Variants in ZNF730 observed in about 807,000 individuals in gnomAD.
ZNF730 encodes the protein zinc finger protein 730, also known as putative zinc finger protein 730.
Under a neutral mutation model 12.6 loss-of-function variants are expected in ZNF730, and 12 were observed. The ratio of observed to expected loss-of-function variants is 0.95; its 90% CI spans 0.61 to 1.54. The LOEUF is 1.54. ZNF730 is among the 40% of genes most tolerant of loss of function. ZNF730 has a pLI of 0.00. For synonymous variants in ZNF730, 194 were observed against 195.8 expected, an observed-to-expected ratio of 0.99 and a Z score of 0.08; for missense variants, 643 against 583.5, an observed-to-expected ratio of 1.10 and a Z score of -1.05.
intron 1 of ZNF730, among the ~76,000 whole-genome samples, chr19:23,084,640 G>A (rs1970026833): frequency 6.6e-6 from 1 of 152,138 alleles, no homozygotes; most frequent in African/African-American, 2.4e-5. Context: ...AGGCCCCAGT[G>A]TGTGCTGTTC....
intron 1 of ZNF730, among the ~76,000 whole-genome samples, chr19:23,130,359 T>C (rs1185914012): frequency 6.6e-6 from 1 of 152,208 alleles, no homozygotes; most frequent in Non-Finnish European, 1.5e-5. Flanking sequence ...CTCAGCCACG[T>C]AGAACTGTAA....
upstream of ZNF730, among the ~76,000 whole-genome samples, chr19:23,116,340 TCTTTC>T (rs1292615813): frequency 6.6e-6 from 1 of 151,460 alleles, no homozygotes; most frequent in Non-Finnish European, 1.5e-5. Context: ...TTCTTTCCTT[TCTTTC>T]CTTATTTCTT....
intron 1 of ZNF730, among the ~76,000 whole-genome samples, chr19:23,093,163 A>G (rs1970185721): frequency 6.6e-6 from 1 of 152,136 alleles, no homozygotes; most frequent in African/African-American, 2.4e-5. Flanking sequence ...TTTAGTAGAT[A>G]CAGGACTTCG....
chr19:23,093,513 C>T (rs183789620), intron 1 of ZNF730, among the ~76,000 whole-genome samples: 50 of 152,282 alleles, frequency 3.3e-4, no homozygotes, highest in Non-Finnish European at 6.8e-4. Flanking sequence ...GCATCCCGCC[C>T]CTCTGGTTCC....
intron 1 of ZNF730, among the ~76,000 whole-genome samples, chr19:23,079,727 C>A (rs985021070): frequency 1.1e-4 from 17 of 152,078 alleles, no homozygotes; most frequent in African/African-American, 4.1e-4. Context: ...TTTTGTCTTA[C>A]AAAAGTAAAA....
Position 23,135,928 on chromosome 19 carries a change from T to C in ZNF730, c.131-20T>C, listed in dbSNP as rs745477041. 2 of 1,596,484 alleles carry C rather than the reference T, an allele frequency of 1.3e-6. No individual in the cohort carries two copies. The highest frequency in any genetic ancestry group is 1.7e-6 in the Non-Finnish European group (2 of 1,167,294). On this transcript the variant is annotated intron_variant, in intron 2 of 3. Transcript: ENST00000597761. ...AATTGGAGAATATGAGCAAGATTCA[T>C]GTTATTTTTCATAAAACAGGTATTG...
chr19:23,092,291 G>T (rs1326364516), intron 1 of ZNF730, among the ~76,000 whole-genome samples: 1 of 152,204 alleles, frequency 6.6e-6, no homozygotes, highest in Admixed American at 6.5e-5. Flanking sequence ...CATGAAAACA[G>T]ATTAATATAA....
intron 1 of ZNF730, among the ~76,000 whole-genome samples, chr19:23,091,491 A>G (rs1970159905): frequency 6.6e-6 from 1 of 152,170 alleles, no homozygotes; most frequent in Admixed American, 6.5e-5. Flanking sequence ...CAGACACTCA[A>G]TGCCAGCCAG....
chr19:23,100,630 CTTTTTT>C (rs201462781), intron 1 of ZNF730, among the ~76,000 whole-genome samples: 5 of 118,546 alleles, frequency 4.2e-5, no homozygotes, highest in African/African-American at 1.6e-4. Context: ...GATGGTGATT[CTTTTTT>C]TTTTTTTTTT....
intron 1 of ZNF730, among the ~76,000 whole-genome samples, chr19:23,081,477 G>A (rs756466228): frequency 6.6e-6 from 1 of 152,048 alleles, no homozygotes; most frequent in African/African-American, 2.4e-5. Flanking sequence ...GAGCCACCAC[G>A]CCCACCTGAT....
intron 3 of ZNF730, among the ~76,000 whole-genome samples, chr19:23,137,782 T>C (rs1325936813): frequency 6.6e-6 from 1 of 152,048 alleles, no homozygotes; most frequent in Non-Finnish European, 1.5e-5. Flanking sequence ...TGGAGAGGGG[T>C]TGTAGCTTGG....
intron 1 of ZNF730, among the ~76,000 whole-genome samples, chr19:23,129,732 G>C (rs560354338): frequency 1.3e-5 from 2 of 152,188 alleles, no homozygotes; most frequent in East Asian, 3.9e-4. Flanking sequence ...GGTGGCTCAT[G>C]CTAGTAATCC....
At chr19:23,106,889 C>T (rs1568307506) in intron 1 of ZNF730, among the ~76,000 whole-genome samples, 1 of 150,866 alleles carries the variant, frequency 6.6e-6, no homozygotes, top group East Asian at 1.9e-4. Flanking sequence ...AAAAACTATA[C>T]ACAAACTGTA....
At chr19:23,131,501 A>C (rs933057729) in intron 1 of ZNF730, among the ~76,000 whole-genome samples, 5 of 152,232 alleles carry the variant, frequency 3.3e-5, no homozygotes, top group Admixed American at 6.5e-5. Context: ...ACAAAAAACA[A>C]ACAAAAAACA....
chr19:23,129,497 C>T (rs1476797868), intron 1 of ZNF730, among the ~76,000 whole-genome samples: 1 of 151,682 alleles, frequency 6.6e-6, no homozygotes, highest in African/African-American at 2.4e-5. Flanking sequence ...ATTTTGGACT[C>T]GCATGGGGCC....
intron 3 of ZNF730, among the ~76,000 whole-genome samples, chr19:23,137,055 A>T (rs1040905815): frequency 1.3e-5 from 2 of 151,344 alleles, no homozygotes; most frequent in Non-Finnish European, 2.9e-5. Flanking sequence ...CTGTAATCCC[A>T]GCTACTTGGG....
upstream of ZNF730, chr19:23,116,986 C>T: frequency 7.9e-6 from 7 of 887,438 alleles, no homozygotes; most frequent in Non-Finnish European, 1.1e-5. Context: ...ATCAGGCCCG[C>T]AGCTGGAGCA....
At chr19:23,121,869 C>T (rs80193754) in intron 1 of ZNF730, among the ~76,000 whole-genome samples, 4 of 152,010 alleles carry the variant, frequency 2.6e-5, no homozygotes, top group Admixed American at 1.3e-4. Context: ...TATTCTCTTA[C>T]GTGAAAGTAA....
At chr19:23,140,639 T>C (rs1412590337) in intron 3 of ZNF730, among the ~76,000 whole-genome samples, 2 of 144,710 alleles carry the variant, frequency 1.4e-5, no homozygotes, top group Admixed American at 7.0e-5. Flanking sequence ...TAAAAACATA[T>C]AACCTAAAAT....
Sources: gnomAD v4.1 joint callset for allele counts (sites outside exome capture counted in the v4.1 genomes callset) on GRCh38, gnomAD v4.1.1 for gene constraint, MANE v1.5 for transcripts, NCBI Gene and HGNC (gene_info 2026-07-23, HGNC 2026-07-21) for gene names.